The following PUM3 variants were observed in gnomAD, a reference collection of about 807,000 sequenced individuals.
The protein encoded by PUM3 is pumilio RNA binding family member 3.
PUM3 carries 91 observed loss-of-function variants against 84.0 expected under a neutral mutation model. The observed-to-expected ratio is 1.08, with a 90% confidence interval of 0.91 to 1.29. The LOEUF (loss-of-function observed/expected upper bound fraction) is 1.29. Ranked by LOEUF, PUM3 falls within the 50% of genes most tolerant of loss-of-function variation. PUM3 has a pLI of 0.00. For missense variants in PUM3, 1,067 were observed against 767.5 expected, an observed-to-expected ratio of 1.39 and a Z score of -4.61; for synonymous variants, 321 against 266.7, an observed-to-expected ratio of 1.20 and a Z score of -1.98.
chr9:2,828,355 A>T, intron 9 of PUM3: 1 of 219,062 alleles, frequency 4.6e-6, no homozygotes, highest in South Asian at 8.1e-5. Context: ...ACCAAATTTG[A>T]GTAACAGATT....
At chr9:2,807,616 A>T in intron 17 of PUM3, among the ~76,000 whole-genome samples, 198 bp downstream of exon 17, 1 of 151,012 alleles carries the variant, frequency 6.6e-6, no homozygotes, top group Non-Finnish European at 1.5e-5. Flanking sequence ...AAAAAAAAAA[A>T]AAAAAAAAGA....
At chr9:2,832,293 G>C (rs1300492574) in intron 5 of PUM3, among the ~76,000 whole-genome samples, 1 of 152,166 alleles carries the variant, frequency 6.6e-6, no homozygotes, top group Non-Finnish European at 1.5e-5. Context: ...ATAAGAATGA[G>C]CTGTTACTAT....
chr9:2,812,636 C>G lies in PUM3; in HGVS notation c.1270-274G>C, dbSNP rs1272946560. ...CATACTTAACTACTATTTTTCCCAGCGTACTTCATGGAAAATGTGGAGCTA... is the reference window on the plus strand; with the variant it reads ...CATACTTAACTACTATTTTTCCCAGGGTACTTCATGGAAAATGTGGAGCTA... On this transcript the variant is annotated intron_variant, in intron 13 of 17. Transcript: ENST00000397885. Among the ~76,000 whole-genome samples, 4 of 152,164 alleles carry G rather than the reference C, an allele frequency of 2.6e-5. No individual in the cohort carries two copies. The East Asian group carries it at 5.8e-4, about 22-fold the overall frequency.
chr9:2,843,834 T>A (rs1023752812), intron 1 of PUM3, among the ~76,000 whole-genome samples: 5 of 151,876 alleles, frequency 3.3e-5, no homozygotes, highest in Non-Finnish European at 7.4e-5. Flanking sequence ...CGCCTCGGCC[T>A]CCCAAAGTGC....
At chr9:2,817,628 A>C (rs1821498989) in intron 13 of PUM3, among the ~76,000 whole-genome samples, 1 of 152,230 alleles carries the variant, frequency 6.6e-6, no homozygotes, top group East Asian at 1.9e-4. Flanking sequence ...AAATGTCCAC[A>C]TATAGTGAAA....
chr9:2,810,316 C>G lies in PUM3; in HGVS notation c.1723+28G>C, dbSNP rs760456537. 4.2e-5 allele frequency: 61 copies of G among 1,438,164 alleles called. No homozygotes were observed. In the Admixed American group the frequency reaches 1.0e-3, roughly 24 times the overall value. 89.1% of individuals were successfully genotyped at this position (1,438,164 alleles called of 1,614,324 possible). A position where few individuals can be genotyped will look rare whatever the true frequency, so the allele number is the denominator to read the frequency against. The stretch of plus-strand genomic sequence containing the variant: ...AATTACTGGAATTCCACATGAGATA[C>G]AAGAAAAGGTCAAATTTCATAGCCT... On this transcript the variant is annotated intron_variant, in intron 16 of 17. Coordinates refer to ENST00000397885, the MANE Select transcript of PUM3 (RefSeq NM_014878.5).
At chr9:2,814,617 A>C (rs1177068587) in intron 13 of PUM3, among the ~76,000 whole-genome samples, 1 of 152,244 alleles carries the variant, frequency 6.6e-6, no homozygotes, top group Non-Finnish European at 1.5e-5. Flanking sequence ...TAACCAACAC[A>C]TAAGAGAGGA....
chr9:2,804,495 G>T (rs1014155249), intron 17 of PUM3, 32 bp from the exon 18 acceptor site: 53 of 1,600,856 alleles, frequency 3.3e-5, no homozygotes, highest in Non-Finnish European at 4.2e-5. Context: ...AATTTCATAA[G>T]CATTCCTAGA....
chr9:2,842,826 G>C (rs1442874202), intron 1 of PUM3, among the ~76,000 whole-genome samples: 1 of 151,992 alleles, frequency 6.6e-6, no homozygotes, highest in African/African-American at 2.4e-5. Flanking sequence ...TTATGTTATT[G>C]TTGTTTGCCC....
chr9:2,822,547 C>T (rs1815679807), intron 12 of PUM3, among the ~76,000 whole-genome samples: 1 of 151,524 alleles, frequency 6.6e-6, no homozygotes, highest in South Asian at 2.1e-4. Context: ...AACTGTAGAA[C>T]TAAAACAATA....
At chr9:2,813,201 G>A (rs374343913) in intron 13 of PUM3, among the ~76,000 whole-genome samples, 1 of 152,140 alleles carries the variant, frequency 6.6e-6, no homozygotes, top group African/African-American at 2.4e-5. Context: ...TCGAATTTAA[G>A]GGACAAAAGC....
intron 9 of PUM3, among the ~76,000 whole-genome samples, chr9:2,828,102 C>G (rs1815872413): frequency 6.6e-6 from 1 of 152,128 alleles, no homozygotes; most frequent in Non-Finnish European, 1.5e-5. Flanking sequence ...TGCAGTGGCA[C>G]AACCATGGCT....
intron 13 of PUM3, among the ~76,000 whole-genome samples, chr9:2,818,149 T>C (rs1420055185): frequency 2.0e-5 from 3 of 152,250 alleles, no homozygotes; most frequent in African/African-American, 7.2e-5. Context: ...GCAACTGTTT[T>C]TGTGGTGGAT....
At chr9:2,827,685 G>A (rs372724388) in intron 9 of PUM3, among the ~76,000 whole-genome samples, 1 of 152,302 alleles carries the variant, frequency 6.6e-6, no homozygotes, top group South Asian at 2.1e-4. Flanking sequence ...GAGGCCGATG[G>A]TCAGGCATAA....
At position 2,824,820 on chromosome 9, in the gene PUM3, G is replaced by A. The variant is rs1343480098; in HGVS notation, c.1036-5C>T. ...GCGGATGGCTTCAATCATTTCCTAG[G>A]GAACAAATGCTGTCAGGAACAGGGC... On this transcript the variant is annotated splice_region_variant and splice_polypyrimidine_tract_variant and intron_variant, in intron 10 of 17. Coordinates refer to ENST00000397885, the MANE Select transcript of PUM3 (RefSeq NM_014878.5). 1.3e-6 allele frequency: 2 copies of A among 1,543,200 alleles called. No homozygotes were observed. The highest frequency in any genetic ancestry group is 1.8e-5 in the Admixed American group (1 of 55,596).
chr9:2,838,661 A>C, intron 1 of PUM3, 144 bp from the exon 2 acceptor site: 1 of 576,830 alleles, frequency 1.7e-6, no homozygotes, highest in South Asian at 2.5e-5. Flanking sequence ...CAAGTACTTA[A>C]ATCCAGCAAT....
chr9:2,829,997 G>C (rs779618236), intron 7 of PUM3, 49 bp from the exon 8 acceptor site: 14 of 1,538,980 alleles, frequency 9.1e-6, no homozygotes, highest in African/African-American at 1.4e-5. Flanking sequence ...GGAGAAAGCT[G>C]GGTGACAATA....
intron 16 of PUM3, among the ~76,000 whole-genome samples, chr9:2,810,117 C>CGGG (rs373259463): frequency 3.1e-4 from 16 of 51,124 alleles, no homozygotes; most frequent in African/African-American, 1.1e-3. Flanking sequence ...GGGGGGCTGG[C>CGGG]GGGGGGGGTT....
intron 4 of PUM3, 80 bp from the exon 5 acceptor site, chr9:2,833,512 A>G (rs2129871645): frequency 2.8e-6 from 2 of 702,880 alleles, no homozygotes; most frequent in East Asian, 2.9e-5. Context: ...CTGTACCAGT[A>G]TATGTTCTCC....
Sources: gnomAD v4.1 joint callset for allele counts (sites outside exome capture counted in the v4.1 genomes callset) on GRCh38, gnomAD v4.1.1 for gene constraint, MANE v1.5 for transcripts, NCBI Gene and HGNC (gene_info 2026-07-23, HGNC 2026-07-21) for gene names.